The following ZNF362 variants were observed in gnomAD, a reference collection of about 807,000 sequenced individuals.
ZNF362 encodes zinc finger protein 362.
A neutral mutation model predicts 42.9 loss-of-function variants in ZNF362; 11 were observed. The ratio of observed to expected loss-of-function variants is 0.26; its 90% CI spans 0.16 to 0.42. The LOEUF (loss-of-function observed/expected upper bound fraction) is 0.42. Ranked by LOEUF, ZNF362 falls within the 20% of genes least tolerant of loss-of-function variation. The pLI, the probability that ZNF362 is intolerant of heterozygous loss-of-function variation, is 1.00. For missense variants in ZNF362, 362 were observed against 576.2 expected, an observed-to-expected ratio of 0.63 and a Z score of 3.81; for synonymous variants, 255 against 257.3, an observed-to-expected ratio of 0.99 and a Z score of 0.09.
Position 33,276,110 on chromosome 1 carries a change from C to T in ZNF362, c.49C>T (p.Pro17Ser). The T allele has an allele frequency of 1.9e-6, 3 of 1,614,026 alleles. No homozygotes were observed. Among genetic ancestry groups the T allele is most frequent in the Non-Finnish European group, 2.5e-6 (3 of 1,180,000 alleles). ...GCTCTCTTCCCGCAGGATGGCCGAG[C>T]CTCGATTTAACAACCCCTACTTCTG... ...SGKGHSRMAE[P>S]RFNNPYFWPP... Residue 17 changes from proline to serine, a missense_variant, in exon 3 of 9, where the codon CCT becomes TCT. Pro to Ser is a moderately conservative substitution (Grantham distance 74). This residue lies in a region of ZNF362 where 266 missense variants were observed against 365.4 expected (regional missense o/e 0.73). Transcript: ENST00000539719.
chr1:33,211,282 A>G, the ZNF362 span, among the ~76,000 whole-genome samples: 1 of 152,090 alleles, frequency 6.6e-6, no homozygotes, highest in African/African-American at 2.4e-5. Context: ...TGCCATTATG[A>G]TGCTAGCTGG....
the ZNF362 span, chr1:33,147,410 C>T: frequency 1.4e-5 from 22 of 1,614,038 alleles, no homozygotes; most frequent in East Asian, 4.5e-5. This position sits in a 1 kb window ranked among gnomAD's most constrained non-coding sequence, Gnocchi z 8.1. Flanking sequence ...TCCGTGCAGG[C>T]GCTGTACTGG....
chr1:33,181,087 C>T, the ZNF362 span: 14 of 1,599,716 alleles, frequency 8.8e-6, no homozygotes, highest in Admixed American at 1.7e-5. This position sits in a 1 kb window ranked among gnomAD's most constrained non-coding sequence, Gnocchi z 6.5. Context: ...AGTGCAGGCT[C>T]GTCGCAGAAG....
the ZNF362 span, chr1:33,196,119 C>G: frequency 7.2e-5 from 11 of 152,140 alleles, no homozygotes; most frequent in Admixed American, 7.2e-4. Context: ...GTGGTCCACA[C>G]CTGTAATCCC....
In ZNF362 at chr1:33,280,923, G is replaced by A. The variant is rs137953818; in HGVS notation, c.683+466G>A. ...GTCTCTACAAAAAATACAAAAGTTA[G>A]CCGGGCATGGTGGTGCGCCCCTGTA... On this transcript the variant is annotated intron_variant, in intron 5 of 8. Coordinates refer to ENST00000539719, the MANE Select transcript of ZNF362 (RefSeq NM_152493.3). The surrounding 1 kb of genome is among the most constrained non-coding windows in gnomAD (Gnocchi z 5.6). Among the ~76,000 whole-genome samples the A allele has an allele frequency of 7.7e-4, 117 of 152,282 alleles. 1 individual carries two copies. In the East Asian group the frequency reaches 0.019, roughly 25 times the overall value.
chr1:33,139,021 G>T, the ZNF362 span, among the ~76,000 whole-genome samples: 1 of 152,226 alleles, frequency 6.6e-6, no homozygotes, highest in Non-Finnish European at 1.5e-5. Context: ...GACTCGCACT[G>T]ACTGTTAATA....
At chr1:33,234,428 G>A in the ZNF362 span, among the ~76,000 whole-genome samples, 1 of 152,128 alleles carries the variant, frequency 6.6e-6, no homozygotes, top group Admixed American at 6.5e-5. Context: ...ACAAATGCTA[G>A]GAAATTGGCT....
chr1:33,229,309 A>C, the ZNF362 span, among the ~76,000 whole-genome samples: 1 of 152,092 alleles, frequency 6.6e-6, no homozygotes, highest in Non-Finnish European at 1.5e-5. Flanking sequence ...CTAGAATTCT[A>C]GAAAGAGCTT....
At chr1:33,291,692 C>T (rs967329232) in intron 6 of ZNF362, among the ~76,000 whole-genome samples, 10 of 152,160 alleles carry the variant, frequency 6.6e-5, no homozygotes, top group Non-Finnish European at 1.0e-4. Flanking sequence ...TCTTCCTATC[C>T]GTGAGCATGG....
the ZNF362 span, among the ~76,000 whole-genome samples, chr1:33,218,944 C>G: frequency 7.2e-6 from 1 of 139,618 alleles, no homozygotes; most frequent in Admixed American, 7.3e-5. Context: ...CACACACACA[C>G]ACACACACAC....
the ZNF362 span, chr1:33,145,777 C>A: frequency 2.2e-6 from 1 of 449,502 alleles, no homozygotes; most frequent in Non-Finnish European, 4.6e-6. Flanking sequence ...ATGTGGACTC[C>A]ACCCTCTCCC....
the ZNF362 span, among the ~76,000 whole-genome samples, chr1:33,189,692 TATATACAC>T: frequency 1.1e-4 from 4 of 37,454 alleles, 1 homozygote; most frequent in South Asian, 2.6e-3. Context: ...TACGTATATA[TATATACAC>T]ATATATACGT....
intron 4 of ZNF362, among the ~76,000 whole-genome samples, chr1:33,278,689 A>G (rs1209983262): frequency 6.6e-6 from 1 of 152,184 alleles, no homozygotes; most frequent in African/African-American, 2.4e-5. Context: ...TGTCCAAACT[A>G]CGTATGTAGT....
the ZNF362 span, among the ~76,000 whole-genome samples, chr1:33,150,242 TCTTTC>T: frequency 3.9e-5 from 6 of 152,350 alleles, no homozygotes; most frequent in African/African-American, 1.2e-4. Flanking sequence ...GCTCTCTGGC[TCTTTC>T]CTTTACTGGC....
rs756136216 is a variant in ZNF362, at chr1:33,281,547, TG to T, written c.684-35del. 6.2e-7 allele frequency: 1 copy of T among 1,603,564 alleles called. No homozygotes were observed. The highest frequency in any genetic ancestry group is 1.3e-5 in the African/African-American group (1 of 74,828). ...AAGGCCTCCCCTGAGATGGACAGTC[TG>T]GGGGATCTTCCCACGTGAACCTGTC... On this transcript the variant is annotated intron_variant, in intron 5 of 8. Coordinates refer to ENST00000539719, the MANE Select transcript of ZNF362 (RefSeq NM_152493.3). This position sits in a 1 kb window ranked among gnomAD's most constrained non-coding sequence, Gnocchi z 4.8.
intron 1 of ZNF362, among the ~76,000 whole-genome samples, 187 bp from the exon 2 acceptor site, chr1:33,270,300 T>TA (rs1645892627): frequency 6.6e-6 from 1 of 152,164 alleles, no homozygotes; most frequent in Non-Finnish European, 1.5e-5. Flanking sequence ...CTCCATCACT[T>TA]ACTAGCTGTG....
chr1:33,243,057 T>G, the ZNF362 span, among the ~76,000 whole-genome samples: 1 of 152,206 alleles, frequency 6.6e-6, no homozygotes, highest in African/African-American at 2.4e-5. Flanking sequence ...TAATGAGAGA[T>G]ATTCAAAATA....
the ZNF362 span, among the ~76,000 whole-genome samples, chr1:33,160,525 C>T: frequency 6.6e-6 from 1 of 152,084 alleles, no homozygotes; most frequent in South Asian, 2.1e-4. Context: ...CAGCCTCAGC[C>T]TCCCTAGTAG....
the ZNF362 span, among the ~76,000 whole-genome samples, chr1:33,229,693 C>T: frequency 1.3e-5 from 2 of 152,050 alleles, no homozygotes; most frequent in African/African-American, 4.8e-5. Flanking sequence ...GCGTGAACCA[C>T]CACTCCCGGC....
Sources: gnomAD v4.1 joint callset for allele counts (sites outside exome capture counted in the v4.1 genomes callset) on GRCh38, gnomAD v4.1.1 for gene constraint, gnomAD v4.1.1 regional missense constraint, Gnocchi (gnomAD v3.1) non-coding constraint, MANE v1.5 for transcripts, NCBI Gene and HGNC (gene_info 2026-07-23, HGNC 2026-07-21) for gene names.